XKR6: variants seen among roughly 807,000 people sequenced by gnomAD.
XKR6 encodes the protein XK related 6, also known as XK-related protein 6.
A neutral mutation model predicts 56.7 loss-of-function variants in XKR6; 22 were observed. That is an observed-to-expected ratio of 0.39 (90% CI 0.28 to 0.55). XKR6 has a LOEUF of 0.55. Among genes scored for constraint, XKR6 ranks in the 20% least tolerant of loss-of-function variants. The pLI, the probability that XKR6 is intolerant of heterozygous loss-of-function variation, is 0.66. For missense variants in XKR6, 852 were observed against 889.0 expected, an observed-to-expected ratio of 0.96 and a Z score of 0.53; for synonymous variants, 524 against 387.8, an observed-to-expected ratio of 1.35 and a Z score of -4.13.
intron 1 of XKR6, among the ~76,000 whole-genome samples, chr8:11,070,880 C>A (rs1403756326): frequency 6.6e-6 from 1 of 152,168 alleles, no homozygotes; most frequent in Non-Finnish European, 1.5e-5. Context: ...GCCCCTCATT[C>A]CTCCTGCTGA....
chr8:11,069,568 C>A (rs1800065896), intron 1 of XKR6, among the ~76,000 whole-genome samples: 1 of 152,160 alleles, frequency 6.6e-6, no homozygotes, highest in South Asian at 2.1e-4. Context: ...CTAACCCCAA[C>A]TGCCATCTTC....
chr8:10,951,295 G>T (rs1801712874), intron 1 of XKR6, among the ~76,000 whole-genome samples: 1 of 137,200 alleles, frequency 7.3e-6, no homozygotes, highest in Non-Finnish European at 1.5e-5. Flanking sequence ...GTGTGTGTGT[G>T]TGTGGGGGGG....
Position 10,898,776 on chromosome 8 carries a change from T to C in XKR6, c.1102A>G (p.Ile368Val), listed in dbSNP as rs914993691. ...IIQVFWRLFT[I>V]SSRVISFALF... ...GCAAAAGAGATCACTCGGGATGAGA[T>C]GGTGAAGAGGCGCCAGAAGACCTGG... Residue 368 changes from isoleucine (I) to valine (V), a missense_variant, in exon 3 of 3, where the codon ATC becomes GTC. By Grantham distance (29) the Ile-to-Val change is conservative. Around this residue, in one of 4 missense-constraint regions of XKR6, gnomAD observed 199 missense variants for 280.4 expected, o/e 0.71. Coordinates refer to ENST00000416569, the MANE Select transcript of XKR6 (RefSeq NM_173683.4). This position sits in a 1 kb window ranked among gnomAD's most constrained non-coding sequence, Gnocchi z 6.6. 8 of 1,614,020 alleles carry C rather than the reference T, an allele frequency of 5.0e-6. No individual in the cohort carries two copies. The highest frequency in any genetic ancestry group is 6.8e-6 in the Non-Finnish European group (8 of 1,179,982).
chr8:11,034,449 G>T (rs17152785), intron 1 of XKR6, among the ~76,000 whole-genome samples: 3,054 of 152,254 alleles, frequency 0.02, 95 homozygotes, highest in Middle Eastern at 0.068. Flanking sequence ...AGAGCTCCAG[G>T]TGAAATGTAC....
intron 1 of XKR6, among the ~76,000 whole-genome samples, chr8:11,119,002 T>A (rs1286022180): frequency 6.6e-6 from 1 of 152,210 alleles, no homozygotes; most frequent in Admixed American, 6.5e-5. Context: ...GATTCTGGTA[T>A]GTTGTGTCTT....
chr8:11,004,365 A>T (rs1042091363), intron 1 of XKR6, among the ~76,000 whole-genome samples: 5 of 152,112 alleles, frequency 3.3e-5, no homozygotes, highest in Non-Finnish European at 7.4e-5. Flanking sequence ...CCAGCTACTT[A>T]AGAGGCTGAG....
intron 1 of XKR6, among the ~76,000 whole-genome samples, chr8:11,007,940 GGCAGA>G (rs1230818931): frequency 6.6e-6 from 1 of 151,986 alleles, no homozygotes; most frequent in Non-Finnish European, 1.5e-5. Flanking sequence ...GGGAGGGCAG[GGCAGA>G]GCAGAGCAGA....
chr8:11,195,450 C>T (rs570011631), intron 1 of XKR6, among the ~76,000 whole-genome samples: 1 of 152,246 alleles, frequency 6.6e-6, no homozygotes, highest in East Asian at 1.9e-4. Flanking sequence ...AATATATGTA[C>T]AGACTCTTTA....
At chr8:11,173,416 C>T (rs1345419208) in intron 1 of XKR6, among the ~76,000 whole-genome samples, 1 of 149,306 alleles carries the variant, frequency 6.7e-6, no homozygotes, top group Non-Finnish European at 1.5e-5. Context: ...TATACATATA[C>T]ATATATATAT....
intron 1 of XKR6, among the ~76,000 whole-genome samples, chr8:11,070,360 G>C (rs894740287): frequency 1.6e-4 from 24 of 152,182 alleles, no homozygotes; most frequent in Non-Finnish European, 2.8e-4. Context: ...TATTTCCTCA[G>C]TGACTCTAAA....
chr8:11,105,931 G>A (rs569583360), intron 1 of XKR6: 1 of 152,236 alleles, frequency 6.6e-6, no homozygotes, highest in East Asian at 1.9e-4. Flanking sequence ...GCTTTAAACT[G>A]TTTCTCAAAA....
At chr8:11,178,769 C>G (rs1455995309) in intron 1 of XKR6, among the ~76,000 whole-genome samples, 1 of 150,394 alleles carries the variant, frequency 6.6e-6, no homozygotes, top group Non-Finnish European at 1.5e-5. Context: ...AACGTTGGCT[C>G]TATATACAAC....
At chr8:10,980,238 C>G (rs1180006876) in intron 1 of XKR6, among the ~76,000 whole-genome samples, 1 of 152,106 alleles carries the variant, frequency 6.6e-6, no homozygotes, top group African/African-American at 2.4e-5. Context: ...TTCTGGAGTG[C>G]CCAGGAGGTC....
At chr8:11,047,690 G>A (rs562485623) in intron 1 of XKR6, among the ~76,000 whole-genome samples, 28 of 152,326 alleles carry the variant, frequency 1.8e-4, no homozygotes, top group Admixed American at 3.9e-4. Flanking sequence ...GAGTTCTGGC[G>A]ATGGATAGTG....
chr8:11,089,211 T>C (rs558000905), intron 1 of XKR6, among the ~76,000 whole-genome samples: 1 of 152,136 alleles, frequency 6.6e-6, no homozygotes, highest in African/African-American at 2.4e-5. Flanking sequence ...CCTTGTCTGA[T>C]CTAGAGTGCC....
intron 1 of XKR6, among the ~76,000 whole-genome samples, chr8:11,088,312 G>C (rs905529599): frequency 8.5e-5 from 13 of 152,188 alleles, no homozygotes; most frequent in Non-Finnish European, 1.5e-4. Context: ...TTCTGACCCA[G>C]ATCCCCTTAT....
intron 1 of XKR6, chr8:11,106,351 C>G (rs569559222): frequency 3.3e-5 from 5 of 152,290 alleles, no homozygotes; most frequent in African/African-American, 9.6e-5. Context: ...CTCCTTAACT[C>G]AGAACTCCAG....
At chr8:11,151,298 G>C (rs902698190) in intron 1 of XKR6, among the ~76,000 whole-genome samples, 5 of 152,070 alleles carry the variant, frequency 3.3e-5, no homozygotes, top group African/African-American at 1.2e-4. Flanking sequence ...TTTAACCCAA[G>C]TTCATGTATA....
intron 1 of XKR6, among the ~76,000 whole-genome samples, chr8:11,091,210 C>G (rs920812468): frequency 6.6e-6 from 1 of 152,116 alleles, no homozygotes; most frequent in African/African-American, 2.4e-5. Context: ...GTGGGAGGAT[C>G]GCTTGAGTCC....
Sources: allele counts gnomAD v4.1 joint callset (sites outside exome capture counted in the v4.1 genomes callset), GRCh38; gene constraint gnomAD v4.1.1; regional missense constraint gnomAD v4.1.1; non-coding constraint Gnocchi (gnomAD v3.1); transcripts MANE v1.5; gene names NCBI Gene and HGNC (gene_info 2026-07-23, HGNC 2026-07-21).